Variants in MGST2 observed in about 807,000 individuals in gnomAD.
The protein encoded by MGST2 is glutathione peroxidase MGST2.
In MGST2, 9 loss-of-function variants were observed where a neutral mutation model predicts 16.6. That is an observed-to-expected ratio of 0.54 (90% CI 0.33 to 0.95). MGST2 has a LOEUF of 0.95. Ranked by LOEUF, MGST2 falls within the 40% of genes least tolerant of loss-of-function variation. The probability of loss-of-function intolerance (pLI) is 0.03; values close to 1 mark genes in which losing one functional copy is unlikely to be tolerated. For missense variants in MGST2, 159 were observed against 175.1 expected, an observed-to-expected ratio of 0.91 and a Z score of 0.52; for synonymous variants, 79 against 68.0, an observed-to-expected ratio of 1.16 and a Z score of -0.79.
the MGST2 span, among the ~76,000 whole-genome samples, chr4:139,747,315 C>T: frequency 1.3e-5 from 2 of 152,128 alleles, no homozygotes; most frequent in South Asian, 2.1e-4. Flanking sequence ...TTTCCCCCAC[C>T]TTTTAGACAG....
At chr4:139,716,070 G>C (rs568232199) in intron 5 of MGST2, among the ~76,000 whole-genome samples, 4 of 152,142 alleles carry the variant, frequency 2.6e-5, no homozygotes, top group Admixed American at 6.5e-5. Flanking sequence ...CGGTCTGGGG[G>C]GCACCTTTAA....
At chr4:139,720,247 C>T in intron 5 of MGST2, 1 of 1,604,550 alleles carries the variant, frequency 6.2e-7, no homozygotes, top group African/African-American at 1.3e-5. Flanking sequence ...TGCCTGCGTT[C>T]TGTGCCATCA....
the MGST2 span, among the ~76,000 whole-genome samples, chr4:139,749,726 T>C: frequency 1.3e-5 from 2 of 152,142 alleles, no homozygotes; most frequent in Non-Finnish European, 2.9e-5. Context: ...ATTGGTGAGG[T>C]TGCCACTCAA....
chr4:139,713,871 C>T (rs1365276801), intron 5 of MGST2, among the ~76,000 whole-genome samples: 2 of 152,198 alleles, frequency 1.3e-5, no homozygotes, highest in Admixed American at 1.3e-4. Flanking sequence ...TGAAAGTGCA[C>T]GATCTTAGCT....
At chr4:139,677,845 G>A (rs2874231) in intron 1 of MGST2, among the ~76,000 whole-genome samples, 36,350 of 152,096 alleles carry the variant, frequency 0.24, 5,132 homozygotes, top group East Asian at 0.33. Flanking sequence ...TCTCAGATGA[G>A]CAGAGGGTGA....
intron 1 of MGST2, among the ~76,000 whole-genome samples, chr4:139,672,065 C>T (rs987326314): frequency 7.9e-5 from 12 of 152,194 alleles, no homozygotes; most frequent in African/African-American, 2.9e-4. Flanking sequence ...TTTCTTGGGG[C>T]TGGACTGGGA....
At chr4:139,670,465 A>T (rs1188932082) in intron 1 of MGST2, among the ~76,000 whole-genome samples, 1 of 152,148 alleles carries the variant, frequency 6.6e-6, no homozygotes, top group Non-Finnish European at 1.5e-5. Context: ...CAATACATGG[A>T]AGGTATCTAT....
downstream of MGST2, among the ~76,000 whole-genome samples, chr4:139,743,466 C>T (rs2111027653): frequency 6.6e-6 from 1 of 152,344 alleles, no homozygotes; most frequent in South Asian, 2.1e-4. Flanking sequence ...CCTTTATCCT[C>T]TCCCCCATTT....
At chr4:139,677,691 C>T (rs540766805) in intron 1 of MGST2, among the ~76,000 whole-genome samples, 2 of 152,112 alleles carry the variant, frequency 1.3e-5, no homozygotes, top group East Asian at 1.9e-4. Flanking sequence ...TTAGTAGAGA[C>T]AGGGTTTCTC....
At chr4:139,714,327 A>AT (rs757246550) in intron 5 of MGST2, among the ~76,000 whole-genome samples, 8 of 152,160 alleles carry the variant, frequency 5.3e-5, no homozygotes, top group African/African-American at 7.2e-5. Context: ...ATAAACACTG[A>AT]TTTTTTCCCC....
At chr4:139,747,644 A>C in the MGST2 span, among the ~76,000 whole-genome samples, 1 of 151,760 alleles carries the variant, frequency 6.6e-6, no homozygotes, top group East Asian at 1.9e-4. Context: ...CAGTGAGCCG[A>C]GATAGTGCCA....
At chr4:139,704,252 A>G (rs1254644652), downstream of MGST2, 1 of 1,431,254 alleles carries the variant, frequency 7.0e-7, no homozygotes, top group Non-Finnish European at 9.7e-7. Context: ...TTTTTCTTGA[A>G]ATGGCTTTGT....
At chr4:139,746,620 G>A in the MGST2 span, among the ~76,000 whole-genome samples, 3 of 152,032 alleles carry the variant, frequency 2.0e-5, no homozygotes, top group Non-Finnish European at 2.9e-5. Context: ...CGGGCCCCTC[G>A]TTGCCATGGT....
At position 139,715,858 on chromosome 4, in the gene MGST2, T is replaced by C. The variant is rs750675570; in HGVS notation, c.*48+11662T>C. On this transcript the variant is annotated intron_variant, in intron 5 of 5. Coordinates refer to the MGST2 transcript ENST00000616265. This position sits in a 1 kb window ranked among gnomAD's most constrained non-coding sequence, Gnocchi z 4.4. ...TTATGCCGTGTATTTTGTGCTGAACTCCTATCTCATCCTGTGACTTAGAAT... is the reference window on the plus strand; with the variant it reads ...TTATGCCGTGTATTTTGTGCTGAACCCCTATCTCATCCTGTGACTTAGAAT... 1.3e-5 allele frequency among the ~76,000 whole-genome samples: 2 copies of C among 151,414 alleles called. No homozygotes were observed. The highest frequency in any genetic ancestry group is 2.9e-5 in the Non-Finnish European group (2 of 68,026).
At chr4:139,743,632 A>G (rs1442089892), downstream of MGST2, among the ~76,000 whole-genome samples, 1 of 152,202 alleles carries the variant, frequency 6.6e-6, no homozygotes, top group African/African-American at 2.4e-5. Context: ...TGAACTTGAA[A>G]TCTGTCTCAG....
At chr4:139,710,383 T>G (rs908891657) in intron 5 of MGST2, among the ~76,000 whole-genome samples, 1 of 152,236 alleles carries the variant, frequency 6.6e-6, no homozygotes, top group Non-Finnish European at 1.5e-5. Flanking sequence ...GTCAGTAAGA[T>G]TACATGTAAG....
intron 1 of MGST2, among the ~76,000 whole-genome samples, chr4:139,676,884 T>G (rs1447068903): frequency 6.6e-6 from 1 of 152,204 alleles, no homozygotes; most frequent in Non-Finnish European, 1.5e-5. Context: ...GAACTTTGCA[T>G]TGTGGAGAAT....
At position 139,682,341 on chromosome 4, in the gene MGST2, C is replaced by T. The variant is rs568651277; in HGVS notation, c.158+3699C>T. 2.4e-3 allele frequency among the ~76,000 whole-genome samples: 364 copies of T among 151,928 alleles called. 1 individual carries two copies. The highest frequency in any genetic ancestry group is 4.2e-3 in the Non-Finnish European group (286 of 67,992). On this transcript the variant is annotated intron_variant, in intron 2 of 4. Transcript: ENST00000265498. Reference sequence around the variant, plus strand: ...GGGTGGTCTGTGATATACAATAAAGCTATGGGTGTAGGTCCCGCTGAGAAG... The same window carrying T: ...GGGTGGTCTGTGATATACAATAAAGTTATGGGTGTAGGTCCCGCTGAGAAG...
chr4:139,719,876 G>A, intron 5 of MGST2: 1 of 1,613,974 alleles, frequency 6.2e-7, no homozygotes, highest in South Asian at 1.1e-5. Context: ...TTGCTGGACT[G>A]TTCCCATAAG....
Sources: allele counts gnomAD v4.1 joint callset (sites outside exome capture counted in the v4.1 genomes callset), GRCh38; gene constraint gnomAD v4.1.1; non-coding constraint Gnocchi (gnomAD v3.1); transcripts MANE v1.5; gene names NCBI Gene and HGNC (gene_info 2026-07-23, HGNC 2026-07-21).